The following ADAMTS9 variants were observed in gnomAD, a reference collection of about 807,000 sequenced individuals.
ADAMTS9 encodes the protein ADAM metallopeptidase with thrombospondin type 1 motif 9.
Under a neutral mutation model 257.1 loss-of-function variants are expected in ADAMTS9, and 107 were observed. The observed-to-expected ratio is 0.42, with a 90% CI of 0.36 to 0.49. The LOEUF (loss-of-function observed/expected upper bound fraction) is 0.49, where lower values mean the gene tolerates loss of function less well. Ranked by LOEUF, ADAMTS9 falls within the 20% of genes least tolerant of loss-of-function variation. The pLI, the probability that ADAMTS9 is intolerant of heterozygous loss-of-function variation, is 0.03. For synonymous variants in ADAMTS9, 982 were observed against 880.9 expected (o/e 1.11, Z -2.03); for missense variants, 2,353 against 2,469.1 (o/e 0.95, Z 1.00).
chr3:64,640,238 CTTAA>C (rs1471268161), intron 12 of ADAMTS9, among the ~76,000 whole-genome samples: 1 of 151,954 alleles, frequency 6.6e-6, no homozygotes, highest in Non-Finnish European at 1.5e-5. Flanking sequence ...ACAAAAATAA[CTTAA>C]TTAATCATCA....
chr3:64,568,565 G>A (rs1383257324), intron 28 of ADAMTS9, 30 bp from the exon 29 acceptor site: 2 of 1,606,880 alleles, frequency 1.2e-6, no homozygotes, highest in Non-Finnish European at 1.7e-6. Context: ...CAAGGTTGTT[G>A]TTGTTTTTTA....
At chr3:64,647,477 G>A (rs1174195659) in intron 11 of ADAMTS9, among the ~76,000 whole-genome samples, 1 of 152,080 alleles carries the variant, frequency 6.6e-6, no homozygotes, top group African/African-American at 2.4e-5. Flanking sequence ...CTCCTTAAAG[G>A]GAACAACACC....
chr3:64,576,721 C>T (rs552452123), intron 28 of ADAMTS9, among the ~76,000 whole-genome samples: 9 of 152,268 alleles, frequency 5.9e-5, no homozygotes, highest in East Asian at 3.9e-4. Context: ...GGCATTAGGC[C>T]ATCCTCCCAT....
At chr3:64,542,905 T>C (rs1311859970) in intron 32 of ADAMTS9, among the ~76,000 whole-genome samples, 2 of 141,584 alleles carry the variant, frequency 1.4e-5, no homozygotes, top group Admixed American at 6.7e-5. Context: ...AAGAATCAAA[T>C]AGACACAATA....
intron 28 of ADAMTS9, among the ~76,000 whole-genome samples, chr3:64,579,764 T>C (rs1400010224): frequency 6.6e-6 from 1 of 152,240 alleles, no homozygotes; most frequent in Non-Finnish European, 1.5e-5. Flanking sequence ...GCTCAGTTTA[T>C]TGTTAGAACC....
rs750627070 is a variant in ADAMTS9, at chr3:64,546,844, G to A, written c.4978C>T (p.Pro1660Ser). The A allele has an allele frequency of 6.2e-7, 1 of 1,614,134 alleles. No individual in the cohort carries two copies. The highest frequency in any genetic ancestry group is 1.1e-5 in the South Asian group (1 of 91,082). Reference sequence around the variant, plus strand: ...TGAACACTGGGGGGCTGCGTGCCTGGGCAGTTGATGGTGGTTTGGTAGCTG... The same window carrying A: ...TGAACACTGGGGGGCTGCGTGCCTGAGCAGTTGATGGTGGTTTGGTAGCTG... ...EYSYQTTINC[P>S]GTQPPSVHPC... Residue 1660 changes from proline to serine, a missense_variant, in exon 32 of 40, where the codon CCA (proline) becomes TCA (serine). Around this residue, in one of 3 missense-constraint regions of ADAMTS9, gnomAD observed 1,402 missense variants for 1,441.4 expected, o/e 0.97. Coordinates refer to ENST00000498707, the MANE Select transcript of ADAMTS9 (RefSeq NM_182920.2).
chr3:64,644,395 G>A (rs576027636), intron 11 of ADAMTS9, among the ~76,000 whole-genome samples: 1 of 152,202 alleles, frequency 6.6e-6, no homozygotes, highest in South Asian at 2.1e-4. Flanking sequence ...GTGAGCAAAG[G>A]GGACAATTTC....
intron 11 of ADAMTS9, among the ~76,000 whole-genome samples, chr3:64,644,032 G>A (rs1576154489): frequency 6.6e-6 from 1 of 152,172 alleles, no homozygotes; most frequent in East Asian, 1.9e-4. Context: ...CAAAAAATGG[G>A]GACCTACTGG....
intron 28 of ADAMTS9, among the ~76,000 whole-genome samples, chr3:64,574,574 A>AG (rs965923568): frequency 1.1e-4 from 16 of 151,458 alleles, no homozygotes; most frequent in African/African-American, 3.9e-4. Flanking sequence ...AAAAAAAAAA[A>AG]AAAGAAAAAT....
chr3:64,630,430 A>G (rs1700339182), intron 16 of ADAMTS9, among the ~76,000 whole-genome samples: 1 of 152,136 alleles, frequency 6.6e-6, no homozygotes, highest in Non-Finnish European at 1.5e-5. Context: ...ATAAAAAACA[A>G]CTAGCTGTGC....
chr3:64,665,713 C>T (rs9875220), intron 3 of ADAMTS9, among the ~76,000 whole-genome samples: 87,762 of 152,012 alleles, frequency 0.58, 25,609 homozygotes, highest in Non-Finnish European at 0.63. Context: ...GCATTTCTGA[C>T]ATCCAACTTT....
chr3:64,571,255 T>G (rs2083678094), intron 28 of ADAMTS9, among the ~76,000 whole-genome samples: 1 of 152,192 alleles, frequency 6.6e-6, no homozygotes, highest in Non-Finnish European at 1.5e-5. Flanking sequence ...AATTTAATCA[T>G]CCCAATAACC....
In ADAMTS9 at chr3:64,687,725, G is replaced by C; in HGVS notation, c.-68C>G. The C allele has an allele frequency of 7.9e-7, 1 of 1,267,798 alleles. No homozygotes were observed. Among genetic ancestry groups the C allele is most frequent in the Admixed American group, 2.8e-5 (1 of 36,076 alleles). 78.5% of individuals were successfully genotyped at this position (1,267,798 alleles called of 1,614,324 possible). ...TCCTGCCCTCCTTGGCTGCGGCGGCGACGCGAGGCAGCGGCCGTGGAGAGC... is the reference window on the plus strand; with the variant it reads ...TCCTGCCCTCCTTGGCTGCGGCGGCCACGCGAGGCAGCGGCCGTGGAGAGC... On this transcript the variant is annotated 5_prime_UTR_variant, in exon 1 of 40. Coordinates refer to ENST00000498707, the MANE Select transcript of ADAMTS9 (RefSeq NM_182920.2). This position sits in a 1 kb window ranked among gnomAD's most constrained non-coding sequence, Gnocchi z 4.4.
intron 38 of ADAMTS9, 41 bp downstream of exon 38, chr3:64,533,123 AAG>A: frequency 6.5e-7 from 1 of 1,536,618 alleles, no homozygotes; most frequent in Non-Finnish European, 9.0e-7. Flanking sequence ...GAACGAAAGA[AAG>A]AAATAAAAAT....
chr3:64,541,494 T>G (rs775861796), intron 34 of ADAMTS9, 32 bp downstream of exon 34: 1 of 1,609,124 alleles, frequency 6.2e-7, no homozygotes, highest in Non-Finnish European at 8.5e-7. Flanking sequence ...CTAAAAACAT[T>G]CTTGAAATAA....
intron 37 of ADAMTS9, among the ~76,000 whole-genome samples, chr3:64,536,246 C>T (rs2083048646): frequency 1.3e-5 from 2 of 152,186 alleles, no homozygotes; most frequent in African/African-American, 4.8e-5. Flanking sequence ...AGCAAATGTC[C>T]TAGCTGATTG....
chr3:64,523,983 G>A (rs1034222101), intron 38 of ADAMTS9, among the ~76,000 whole-genome samples: 1 of 152,070 alleles, frequency 6.6e-6, no homozygotes, highest in Non-Finnish European at 1.5e-5. Context: ...AAAATTACAA[G>A]GCAAAACTGT....
At chr3:64,584,772 CTAT>C (rs567592954) in intron 28 of ADAMTS9, among the ~76,000 whole-genome samples, 216 of 152,156 alleles carry the variant, frequency 1.4e-3, no homozygotes, top group African/African-American at 4.9e-3. Context: ...TCTCTATATG[CTAT>C]TATTATTTTG....
At chr3:64,653,423 T>C (rs1700980476) in intron 8 of ADAMTS9, among the ~76,000 whole-genome samples, 1 of 152,166 alleles carries the variant, frequency 6.6e-6, no homozygotes, top group African/African-American at 2.4e-5. Flanking sequence ...TCTTAATATA[T>C]GTTTGAAAGG....
Sources: gnomAD v4.1 joint callset for allele counts (sites outside exome capture counted in the v4.1 genomes callset) on GRCh38, gnomAD v4.1.1 for gene constraint, gnomAD v4.1.1 regional missense constraint, Gnocchi (gnomAD v3.1) non-coding constraint, MANE v1.5 for transcripts, NCBI Gene and HGNC (gene_info 2026-07-23, HGNC 2026-07-21) for gene names.